Variants in COL5A1 observed in about 807,000 individuals in gnomAD.
COL5A1 encodes collagen type V alpha 1 chain.
In COL5A1, 16 loss-of-function variants were observed where a neutral mutation model predicts 263.7. The observed-to-expected ratio is 0.06, with a 90% CI of 0.04 to 0.09. The LOEUF (loss-of-function observed/expected upper bound fraction) is 0.09. Among genes scored for constraint, COL5A1 ranks in the 10% least tolerant of loss-of-function variants. The pLI is 1.00. For synonymous variants in COL5A1, 1,012 were observed against 1,004.5 expected, an observed-to-expected ratio of 1.01 and a Z score of -0.14; for missense variants, 2,036 against 2,540.5, an observed-to-expected ratio of 0.80 and a Z score of 4.27.
At chr9:134,739,370 T>C (rs1835220666) in intron 11 of COL5A1, among the ~76,000 whole-genome samples, 1 of 152,240 alleles carries the variant, frequency 6.6e-6, no homozygotes, top group Non-Finnish European at 1.5e-5. Flanking sequence ...GGGAGTTTTC[T>C]CTTCCTGCTG....
At chr9:134,752,247 A>G (rs1325170375) in intron 13 of COL5A1, among the ~76,000 whole-genome samples, 1 of 150,694 alleles carries the variant, frequency 6.6e-6, no homozygotes, top group Non-Finnish European at 1.5e-5. Context: ...TAAGAGGCTT[A>G]TTTCTGACCT....
intron 50 of COL5A1, 121 bp from the exon 51 acceptor site, chr9:134,815,455 G>A (rs1177755065): frequency 3.0e-6 from 3 of 1,003,696 alleles, no homozygotes. Flanking sequence ...CGGAACTGCT[G>A]GAAAGTCTTA....
intron 11 of COL5A1, among the ~76,000 whole-genome samples, chr9:134,747,850 C>G (rs1443746477): frequency 6.6e-6 from 1 of 151,364 alleles, no homozygotes; most frequent in Non-Finnish European, 1.5e-5. Context: ...CACATGCACA[C>G]ATGCATTCAT....
intron 18 of COL5A1, among the ~76,000 whole-genome samples, chr9:134,761,422 C>T (rs1836437970): frequency 6.6e-6 from 1 of 152,252 alleles, no homozygotes; most frequent in Non-Finnish European, 1.5e-5. Context: ...AAAGCTGCTA[C>T]ATGTATGTTC....
In COL5A1 at chr9:134,641,853, C is replaced by T. The variant is rs1831297739; in HGVS notation, c.-335C>T. The T allele has an allele frequency of 2.6e-6, 1 of 389,672 alleles. No individual in the cohort carries two copies. The highest frequency in any genetic ancestry group is 2.1e-5 in the African/African-American group (1 of 48,280). The allele number at this position is 389,672 out of a possible 1,614,324, so 24.1% of individuals were successfully genotyped here. On this transcript the variant is annotated 5_prime_UTR_variant, in exon 1 of 66. Transcript: ENST00000371817. ...GGCGCAGGACCTCACTCGAGCGGAG[C>T]GCCCACGGGGAGCGGGTCGCGGGGC... is the stretch of plus-strand genomic sequence containing the variant.
chr9:134,796,458 A>G, intron 35 of COL5A1, 40 bp downstream of exon 35: 1 of 1,606,192 alleles, frequency 6.2e-7, no homozygotes, highest in Non-Finnish European at 8.5e-7. Context: ...CCAAGGGCAG[A>G]GCCTGCCTCG....
intron 27 of COL5A1, among the ~76,000 whole-genome samples, chr9:134,775,263 T>G (rs1471775414): frequency 6.6e-6 from 1 of 152,246 alleles, no homozygotes; most frequent in Non-Finnish European, 1.5e-5. Context: ...GTCACTCTCC[T>G]CGCAGACAGC....
intron 63 of COL5A1, among the ~76,000 whole-genome samples, chr9:134,829,004 ACACACG>A (rs1443346381): frequency 6.6e-6 from 1 of 151,556 alleles, no homozygotes; most frequent in Non-Finnish European, 1.5e-5. Flanking sequence ...ACGCGCACAC[ACACACG>A]CACACAGTCT....
chr9:134,734,792 C>T (rs1276897634), intron 9 of COL5A1, among the ~76,000 whole-genome samples: 1 of 152,244 alleles, frequency 6.6e-6, no homozygotes, highest in Non-Finnish European at 1.5e-5. Flanking sequence ...GCATCCAAAT[C>T]ACCATCTCCA....
chr9:134,671,428 A>G (rs1190685091), intron 1 of COL5A1, among the ~76,000 whole-genome samples: 1 of 152,194 alleles, frequency 6.6e-6, no homozygotes, highest in African/African-American at 2.4e-5. Context: ...TAGTGTTTTG[A>G]AAACTTGCAA....
intron 5 of COL5A1, among the ~76,000 whole-genome samples, chr9:134,728,179 G>A (rs11103484): frequency 0.22 from 33,547 of 152,230 alleles, 3,840 homozygotes; most frequent in East Asian, 0.42. Context: ...GCTCCCAGCC[G>A]AGTCCCTGCT....
At chr9:134,717,393 G>A (rs886266002) in intron 4 of COL5A1, among the ~76,000 whole-genome samples, 3 of 152,338 alleles carry the variant, frequency 2.0e-5, no homozygotes, top group Middle Eastern at 3.4e-3. Flanking sequence ...TGGGGCCAGC[G>A]TTGTTCCATC....
At chr9:134,820,868 A>C (rs1403419047) in intron 58 of COL5A1, among the ~76,000 whole-genome samples, 1 of 152,024 alleles carries the variant, frequency 6.6e-6, no homozygotes, top group Non-Finnish European at 1.5e-5. Context: ...CTGTGTGGGA[A>C]TCTTTCCGTC....
At chr9:134,743,541 C>A (rs1220480240) in intron 11 of COL5A1, among the ~76,000 whole-genome samples, 1 of 152,210 alleles carries the variant, frequency 6.6e-6, no homozygotes, top group Non-Finnish European at 1.5e-5. Flanking sequence ...ATGCAGGTTT[C>A]TTTCCCAGCC....
At chr9:134,760,806 A>G (rs1031951328) in intron 18 of COL5A1, among the ~76,000 whole-genome samples, 8 of 140,902 alleles carry the variant, frequency 5.7e-5, no homozygotes, top group Middle Eastern at 4.5e-3. Context: ...ATACACCCTG[A>G]CACACCCCCA....
chr9:134,716,251 C>T lies in COL5A1; in HGVS notation c.655-11015C>T, dbSNP rs375340908. Among the ~76,000 whole-genome samples the T allele has an allele frequency of 4.6e-5, 7 of 152,182 alleles. No homozygotes were observed. Among genetic ancestry groups the T allele is most frequent in the African/African-American group, 9.7e-5 (4 of 41,432 alleles). On this transcript the variant is annotated intron_variant, in intron 4 of 65. Transcript: ENST00000371817. This position sits in a 1 kb window ranked among gnomAD's most constrained non-coding sequence, Gnocchi z 4.5. ...TGGAGGCCTGGAGTAATTAGTCATA[C>T]GCTGACATCCTCACAGATGACAAGG...
chr9:134,662,204 T>C (rs1832229535), intron 1 of COL5A1, among the ~76,000 whole-genome samples: 1 of 151,628 alleles, frequency 6.6e-6, no homozygotes, highest in Admixed American at 6.6e-5. Flanking sequence ...TCTAGTCACT[T>C]GTGAAAATAT....
chr9:134,790,256 A>T (rs1293265102), intron 32 of COL5A1, among the ~76,000 whole-genome samples: 1 of 152,230 alleles, frequency 6.6e-6, no homozygotes, highest in African/African-American at 2.4e-5. Context: ...AGACCCAAGG[A>T]GACTATTATC....
At position 134,727,261 on chromosome 9, in the gene COL5A1, T is replaced by A; in HGVS notation, c.655-5T>A. 6.2e-7 allele frequency: 1 copy of A among 1,613,602 alleles called. No individual in the cohort carries two copies. The highest frequency in any genetic ancestry group is 2.2e-5 in the East Asian group (1 of 44,890). Reference sequence around the variant, plus strand: ...GCTTTTTCATGAGCGTCTCTTCTTTTCCAGGGTGACATCCAGCAGCTGCTC... The same window carrying A: ...GCTTTTTCATGAGCGTCTCTTCTTTACCAGGGTGACATCCAGCAGCTGCTC... On this transcript the variant is annotated splice_polypyrimidine_tract_variant and splice_region_variant and intron_variant, in intron 4 of 65. Transcript: ENST00000371817.
Sources: gnomAD v4.1 joint callset for allele counts (sites outside exome capture counted in the v4.1 genomes callset) on GRCh38, gnomAD v4.1.1 for gene constraint, Gnocchi (gnomAD v3.1) non-coding constraint, MANE v1.5 for transcripts, NCBI Gene and HGNC (gene_info 2026-07-23, HGNC 2026-07-21) for gene names.